CARMIL2: variants seen among roughly 807,000 people sequenced by gnomAD.
The protein encoded by CARMIL2 is capping protein, Arp2/3 and myosin-I linker protein 2.
CARMIL2 carries 96 observed loss-of-function variants against 173.3 expected under a neutral mutation model. The ratio of observed to expected loss-of-function variants is 0.55; its 90% confidence interval spans 0.47 to 0.66. CARMIL2 has a LOEUF of 0.66. CARMIL2 is among the 30% of genes least tolerant of loss of function. The pLI is 0.00. For missense variants in CARMIL2, 1,771 were observed against 1,906.7 expected, an observed-to-expected ratio of 0.93 and a Z score of 1.33; for synonymous variants, 830 against 817.1, an observed-to-expected ratio of 1.02 and a Z score of -0.27.
Position 67,652,069 on chromosome 16 carries a change from T to G in CARMIL2, c.2676+61T>G, listed in dbSNP as rs1449968024. On this transcript the variant is annotated intron_variant, in intron 26 of 37. Transcript: ENST00000334583. The surrounding 1 kb of genome is among the most constrained non-coding windows in gnomAD (Gnocchi z 4.7). ...ACACACATGCAGTGACTTGGCCATCTCCCTTGCAGGGGCTCTGTAATGTCT... is the reference window on the plus strand; with the variant it reads ...ACACACATGCAGTGACTTGGCCATCGCCCTTGCAGGGGCTCTGTAATGTCT... The G allele has an allele frequency of 1.2e-6, 2 of 1,604,550 alleles. No homozygotes were observed. Among genetic ancestry groups the G allele is most frequent in the Non-Finnish European group, 1.7e-6 (2 of 1,172,516 alleles).
In CARMIL2 at chr16:67,649,718, A is replaced by G; in HGVS notation, c.1920-88A>G. 1 of 1,567,326 alleles carries G rather than the reference A, an allele frequency of 6.4e-7. No individual in the cohort carries two copies. ...GGACTGAATGAGGCGGAGCAAATGG[A>G]GCAGGCTGACGAGGCGAATGGACTA... On this transcript the variant is annotated intron_variant, in intron 20 of 37. Coordinates refer to ENST00000334583, the MANE Select transcript of CARMIL2 (RefSeq NM_001013838.3). The surrounding 1 kb of genome is among the most constrained non-coding windows in gnomAD (Gnocchi z 6.7).
At position 67,648,634 on chromosome 16, in the gene CARMIL2, C is replaced by T. The variant is rs1347682544; in HGVS notation, c.1440-51C>T. On this transcript the variant is annotated intron_variant, in intron 15 of 37. Coordinates refer to ENST00000334583, the MANE Select transcript of CARMIL2 (RefSeq NM_001013838.3). This position sits in a 1 kb window ranked among gnomAD's most constrained non-coding sequence, Gnocchi z 6.1. ...TGGCCCTGCCTCCTTCGTTCGCACC[C>T]TGGAGCCCCCTGTCCCAGCTCCCGC... is the stretch of plus-strand genomic sequence containing the variant. The T allele has an allele frequency of 1.3e-6, 2 of 1,554,538 alleles. No individual in the cohort carries two copies. Among genetic ancestry groups the T allele is most frequent in the Non-Finnish European group, 1.7e-6 (2 of 1,143,416 alleles).
Position 67,653,251 on chromosome 16 carries a change from C to G in CARMIL2, c.3117C>G (p.Pro1039=). Residue 1039 remains proline, a synonymous_variant, in exon 29 of 38, where the codon CCC becomes CCG. Transcript: ENST00000334583. The surrounding 1 kb of genome is among the most constrained non-coding windows in gnomAD (Gnocchi z 7.4). The part of the protein sequence containing the change: ...QHHHRPPPGG[P]QVPPALPQEG... Reference sequence around the variant, plus strand: ...ACCACCGCCCGCCGCCGGGGGGCCCCCAGGTGAGCACCCTTCCCCCACTCC... The same window carrying G: ...ACCACCGCCCGCCGCCGGGGGGCCCGCAGGTGAGCACCCTTCCCCCACTCC... 4.4e-6 allele frequency: 5 copies of G among 1,139,362 alleles called. No homozygotes were observed. Among genetic ancestry groups the G allele is most frequent in the Non-Finnish European group, 5.4e-6 (5 of 926,778 alleles). 70.6% of individuals were successfully genotyped at this position (1,139,362 alleles called of 1,614,324 possible).
chr16:67,650,895 C>G (rs1347359125), intron 22 of CARMIL2: 2 of 347,638 alleles, frequency 5.8e-6, no homozygotes, highest in African/African-American at 4.1e-5. Context: ...CCTTTTCTAC[C>G]CCTCTCTCAG....
rs1567631915 is a variant in CARMIL2, at chr16:67,651,016, C to G, written c.2185-171C>G. On this transcript the variant is annotated intron_variant, in intron 22 of 37. Transcript: ENST00000334583. This position sits in a 1 kb window ranked among gnomAD's most constrained non-coding sequence, Gnocchi z 4.2. ...GTGTATATAAAGTCCTTAAAATGAA[C>G]CAAAGCAACAGATAGTTCCTTCCCT... 1 of 691,682 alleles carries G rather than the reference C, an allele frequency of 1.4e-6. No individual in the cohort carries two copies. Among genetic ancestry groups the G allele is most frequent in the Admixed American group, 2.9e-5 (1 of 33,956 alleles). 42.8% of individuals were successfully genotyped at this position (691,682 alleles called of 1,614,324 possible).
chr16:67,655,805 T>A (rs2052835379), intron 32 of CARMIL2, among the ~76,000 whole-genome samples: 1 of 152,084 alleles, frequency 6.6e-6, no homozygotes, highest in African/African-American at 2.4e-5. Context: ...ATCCATTCAA[T>A]ATCTTAAAAA....
intron 32 of CARMIL2, 80 bp downstream of exon 32, chr16:67,654,980 A>T: frequency 1.3e-6 from 2 of 1,544,946 alleles, no homozygotes; most frequent in Non-Finnish European, 1.8e-6. Flanking sequence ...GATGGAGGAG[A>T]CTCATGACAG....
chr16:67,646,265 A>G lies in CARMIL2; in HGVS notation c.329A>G (p.His110Arg). The change falls in exon 5 of 38, where the codon CAC becomes CGC. Residue 110 changes from histidine to arginine, a missense_variant. Coordinates refer to ENST00000334583, the MANE Select transcript of CARMIL2 (RefSeq NM_001013838.3). This position sits in a 1 kb window ranked among gnomAD's most constrained non-coding sequence, Gnocchi z 4.6. ...GVAALEQLAQ[H>R]VAAAIKKVFP... ...GCCGCCCTGGAACAGCTGGCCCAGCACGTGGCTGCAGCCATCAAGAAGGTC... is the reference window on the plus strand; with the variant it reads ...GCCGCCCTGGAACAGCTGGCCCAGCGCGTGGCTGCAGCCATCAAGAAGGTC... The G allele has an allele frequency of 6.2e-7, 1 of 1,613,702 alleles. No homozygotes were observed. The highest frequency in any genetic ancestry group is 8.5e-7 in the Non-Finnish European group (1 of 1,179,844).
In CARMIL2 at chr16:67,651,913, G is replaced by A. The variant is rs200246534; in HGVS notation, c.2589-8G>A. ...AGCCCATTAACCCCTGTCCTCTCCT[G>A]CCCTTAGGGACATGCGGCTATCAAT... On this transcript the variant is annotated splice_polypyrimidine_tract_variant and splice_region_variant and intron_variant, in intron 25 of 37. Coordinates refer to ENST00000334583, the MANE Select transcript of CARMIL2 (RefSeq NM_001013838.3). The surrounding 1 kb of genome is among the most constrained non-coding windows in gnomAD (Gnocchi z 4.2). 1.2e-6 allele frequency: 2 copies of A among 1,613,440 alleles called. No individual in the cohort carries two copies. Among genetic ancestry groups the A allele is most frequent in the African/African-American group, 1.3e-5 (1 of 75,068 alleles).
chr16:67,647,869 C>G lies in CARMIL2; in HGVS notation c.982C>G (p.Leu328Val). ...AGGAATGAGGGCTCTGGGCCGGGCA[C>G]TGGCCACCAATGCCGCCTTCGACTC... ...PRGMRALGRA[L>V]ATNAAFDSTL... Residue 328 changes from leucine to valine, a missense_variant, in exon 13 of 38, where the codon CTG becomes GTG. Physicochemically the swap from Leu to Val is conservative, Grantham distance 32. This residue lies in a region of CARMIL2 where 944 missense variants were observed against 975.6 expected (regional missense o/e 0.97). Coordinates refer to ENST00000334583, the MANE Select transcript of CARMIL2 (RefSeq NM_001013838.3). The G allele has an allele frequency of 6.2e-7, 1 of 1,610,650 alleles. No homozygotes were observed. The highest frequency in any genetic ancestry group is 8.5e-7 in the Non-Finnish European group (1 of 1,178,710).
In CARMIL2 at chr16:67,656,538, G is replaced by A. The variant is rs2052860761; in HGVS notation, c.3929G>A (p.Gly1310Asp). 1 of 1,613,496 alleles carries A rather than the reference G, an allele frequency of 6.2e-7. No homozygotes were observed. The highest frequency in any genetic ancestry group is 8.5e-7 in the Non-Finnish European group (1 of 1,179,832). ...AGCCGTGGTTGGGGCCAACAGGATG[G>A]TCCAGGCCCTCCCTCCCCTGGTCAA... The part of the protein sequence containing the change: ...LRSRGWGQQD[G>D]PGPPSPGQSP... Residue 1310 changes from glycine to aspartate, a missense_variant, in exon 35 of 38, where the codon GGT (glycine) becomes GAT (aspartate). Coordinates refer to ENST00000334583, the MANE Select transcript of CARMIL2 (RefSeq NM_001013838.3).
At position 67,646,566 on chromosome 16, in the gene CARMIL2, C is replaced by T; in HGVS notation, c.466+49C>T. 1 of 1,591,694 alleles carries T rather than the reference C, an allele frequency of 6.3e-7. No individual in the cohort carries two copies. Among genetic ancestry groups the T allele is most frequent in the Non-Finnish European group, 8.6e-7 (1 of 1,163,944 alleles). Reference sequence around the variant, plus strand: ...GGCCTTCCAGCCTGCCCCACCTCTGCCTCCCCAGACCCGCAAGCTGGGGGG... The same window carrying T: ...GGCCTTCCAGCCTGCCCCACCTCTGTCTCCCCAGACCCGCAAGCTGGGGGG... On this transcript the variant is annotated intron_variant, in intron 6 of 37. Transcript: ENST00000334583. This position sits in a 1 kb window ranked among gnomAD's most constrained non-coding sequence, Gnocchi z 4.6.
rs1380001015 is a variant in CARMIL2 at position 67,650,956 on chromosome 16, C to T, written c.2185-231C>T. On this transcript the variant is annotated intron_variant, in intron 22 of 37. Coordinates refer to ENST00000334583, the MANE Select transcript of CARMIL2 (RefSeq NM_001013838.3). ...GCTTCTAAAACACAGACATGATTTACAACTCCTTTCCTTCCTATTCTGGGC... is the reference window on the plus strand; with the variant it reads ...GCTTCTAAAACACAGACATGATTTATAACTCCTTTCCTTCCTATTCTGGGC... 6 of 505,566 alleles carry T rather than the reference C, an allele frequency of 1.2e-5. No individual in the cohort carries two copies. In the East Asian group the frequency reaches 1.8e-4, roughly 15 times the overall value. 31.3% of individuals were successfully genotyped at this position (505,566 alleles called of 1,614,324 possible). A position where few individuals can be genotyped will look rare whatever the true frequency, so the allele number is the denominator to read the frequency against.
rs769738312 is a variant in CARMIL2, at chr16:67,647,483, C to T, written c.777-25C>T. On this transcript the variant is annotated intron_variant, in intron 10 of 37. Coordinates refer to ENST00000334583, the MANE Select transcript of CARMIL2 (RefSeq NM_001013838.3). ...GGGGTTGGCAAACCAGGGGCAGAAT[C>T]TCATGCCTGGGGTCTGGTCCCCAGA... The T allele has an allele frequency of 4.4e-6, 7 of 1,580,612 alleles. No homozygotes were observed. The Admixed American group carries it at 1.1e-4, about 25-fold the overall frequency.
At chr16:67,650,022 G>A (rs1329390003) in intron 21 of CARMIL2, 27 bp from the exon 22 acceptor site, 6 of 1,613,482 alleles carry the variant, frequency 3.7e-6, no homozygotes, top group African/African-American at 2.7e-5. Context: ...CCGTCCCTCG[G>A]CATTTCTCAA....
intron 35 of CARMIL2, 70 bp from the exon 36 acceptor site, chr16:67,656,729 CCT>C: frequency 1.3e-6 from 2 of 1,565,932 alleles, no homozygotes; most frequent in Non-Finnish European, 1.7e-6. Context: ...CTCTAAGGAC[CCT>C]GAGGGTGGGA....
In CARMIL2 at chr16:67,656,578, C is replaced by A; in HGVS notation, c.3969C>A (p.Cys1323Ter). Residue 1323 changes from cysteine (C) to a stop codon, truncating the protein, a stop_gained, in exon 35 of 38, where the codon TGC (cysteine) becomes TGA (stop). Transcript: ENST00000334583. LOFTEE classifies it high-confidence loss of function. ...PPSPGQSPSP[C>*]RTSPSPDSLG... Reference sequence around the variant, plus strand: ...CCCCTGGTCAAAGCCCAAGTCCCTGCAGAACCAGCCCCTCCCCAGACAGCC... The same window carrying A: ...CCCCTGGTCAAAGCCCAAGTCCCTGAAGAACCAGCCCCTCCCCAGACAGCC... 2 of 1,612,410 alleles carry A rather than the reference C, an allele frequency of 1.2e-6. No homozygotes were observed. The highest frequency in any genetic ancestry group is 1.7e-6 in the Non-Finnish European group (2 of 1,179,382).
At position 67,645,663 on chromosome 16, in the gene CARMIL2, G is replaced by C. The variant is rs772391584; in HGVS notation, c.132+32G>C. 17 of 1,612,604 alleles carry C rather than the reference G, an allele frequency of 1.1e-5. No individual in the cohort carries two copies. The East Asian group carries it at 3.8e-4, about 36-fold the overall frequency. On this transcript the variant is annotated intron_variant, in intron 2 of 37. Transcript: ENST00000334583. ...GGCAGGGGACAGAGCCGGGGAGGCGGCTGTGGCCCCACAGAAAGAGCCTCT... is the reference window on the plus strand; with the variant it reads ...GGCAGGGGACAGAGCCGGGGAGGCGCCTGTGGCCCCACAGAAAGAGCCTCT...
chr16:67,654,094 G>GT lies in CARMIL2; in HGVS notation c.3121-55_3121-54insT. On this transcript the variant is annotated intron_variant, in intron 29 of 37. Transcript: ENST00000334583. ...AGGCTGCCGGCCGGGGGGGGGGGGG[G>GT]GTAGAAGCCAGAGTTGCACTCAACC... is the stretch of plus-strand genomic sequence containing the variant. The GT allele has an allele frequency of 3.0e-6, 3 of 1,007,202 alleles. No individual in the cohort carries two copies. The Admixed American group carries it at 7.9e-5, about 26-fold the overall frequency. The allele number at this position is 1,007,202 out of a possible 1,614,324, so 62.4% of individuals were successfully genotyped here.
Sources: allele counts gnomAD v4.1 joint callset (sites outside exome capture counted in the v4.1 genomes callset), GRCh38; gene constraint gnomAD v4.1.1; regional missense constraint gnomAD v4.1.1; non-coding constraint Gnocchi (gnomAD v3.1); transcripts MANE v1.5; gene names NCBI Gene and HGNC (gene_info 2026-07-23, HGNC 2026-07-21).